HS6ST3: variants seen among roughly 807,000 people sequenced by gnomAD.
The protein encoded by HS6ST3 is heparan sulfate 6-O-sulfotransferase 3, also known as heparan-sulfate 6-O-sulfotransferase 3.
A neutral mutation model predicts 36.7 loss-of-function variants in HS6ST3; 12 were observed. That is an observed-to-expected ratio of 0.33 (90% CI 0.21 to 0.53). HS6ST3 has a LOEUF of 0.53. Among genes scored for constraint, HS6ST3 ranks in the 20% least tolerant of loss-of-function variants. The pLI is 0.95. For missense variants in HS6ST3, 584 were observed against 640.9 expected (o/e 0.91, Z 0.96); for synonymous variants, 240 against 257.5 (o/e 0.93, Z 0.65).
chr13:96,481,723 C>A (rs933554810), intron 1 of HS6ST3, among the ~76,000 whole-genome samples: 4 of 152,108 alleles, frequency 2.6e-5, no homozygotes, highest in African/African-American at 9.7e-5. Flanking sequence ...CTCAGGTGAT[C>A]AGCTAAAAAA....
At chr13:96,468,789 C>G (rs945189809) in intron 1 of HS6ST3, among the ~76,000 whole-genome samples, 17 of 152,220 alleles carry the variant, frequency 1.1e-4, no homozygotes, top group Non-Finnish European at 2.2e-4. Flanking sequence ...TACTTTGGAA[C>G]TTTTGGCATG....
At chr13:96,156,010 A>G (rs1306692111) in intron 1 of HS6ST3, among the ~76,000 whole-genome samples, 3 of 152,180 alleles carry the variant, frequency 2.0e-5, no homozygotes, top group Non-Finnish European at 2.9e-5. Flanking sequence ...TTACACCCTC[A>G]TGATTGTCAT....
At chr13:96,427,622 G>T (rs942338551) in intron 1 of HS6ST3, among the ~76,000 whole-genome samples, 2 of 152,006 alleles carry the variant, frequency 1.3e-5, no homozygotes, top group African/African-American at 4.8e-5. Context: ...GAGAGTTTTT[G>T]TATATCCTTT....
intron 1 of HS6ST3, among the ~76,000 whole-genome samples, chr13:96,206,427 T>A (rs138075196): frequency 0.041 from 6,266 of 152,246 alleles, 206 homozygotes; most frequent in African/African-American, 0.087. Context: ...TAAACTACCA[T>A]TGACATTCTT....
chr13:96,289,455 A>T (rs2054819029), intron 1 of HS6ST3, among the ~76,000 whole-genome samples: 1 of 152,208 alleles, frequency 6.6e-6, no homozygotes, highest in Non-Finnish European at 1.5e-5. Flanking sequence ...AATCCATGAT[A>T]AAGGTGACAT....
intron 1 of HS6ST3, among the ~76,000 whole-genome samples, chr13:96,336,642 G>A (rs1355147393): frequency 6.6e-6 from 1 of 152,108 alleles, no homozygotes; most frequent in Non-Finnish European, 1.5e-5. Flanking sequence ...AACCAACCCT[G>A]CCTACACTTT....
intron 1 of HS6ST3, among the ~76,000 whole-genome samples, chr13:96,374,684 C>T (rs2055306192): frequency 6.6e-6 from 1 of 152,038 alleles, no homozygotes; most frequent in Non-Finnish European, 1.5e-5. Context: ...TGGTAAAAAC[C>T]ATAAGCCTGC....
intron 1 of HS6ST3, among the ~76,000 whole-genome samples, chr13:96,439,066 C>T (rs1324749245): frequency 8.1e-6 from 1 of 124,070 alleles, no homozygotes; most frequent in Non-Finnish European, 1.6e-5. Flanking sequence ...GAATCTGTCT[C>T]AAAAGAAAAA....
intron 1 of HS6ST3, among the ~76,000 whole-genome samples, chr13:96,692,202 A>G (rs1276986009): frequency 6.6e-6 from 1 of 152,128 alleles, no homozygotes; most frequent in Non-Finnish European, 1.5e-5. Flanking sequence ...ACAGTTTCCC[A>G]TCAGTATCTA....
At chr13:96,135,420 G>A (rs2053996958) in intron 1 of HS6ST3, among the ~76,000 whole-genome samples, 1 of 152,130 alleles carries the variant, frequency 6.6e-6, no homozygotes, top group Non-Finnish European at 1.5e-5. Context: ...GAATGGTGAG[G>A]TAACTTAAAA....
intron 1 of HS6ST3, among the ~76,000 whole-genome samples, chr13:96,423,821 G>A (rs2055572982): frequency 6.6e-6 from 1 of 152,092 alleles, no homozygotes; most frequent in African/African-American, 2.4e-5. Context: ...TAGAAGGGGT[G>A]ATGAACATGG....
chr13:96,169,781 G>A (rs1417995114), intron 1 of HS6ST3: 1 of 152,234 alleles, frequency 6.6e-6, no homozygotes, highest in East Asian at 1.9e-4. Flanking sequence ...GTGCTGATCA[G>A]TAGTAGGATA....
At chr13:96,507,680 A>C (rs928553750) in intron 1 of HS6ST3, among the ~76,000 whole-genome samples, 2 of 152,072 alleles carry the variant, frequency 1.3e-5, no homozygotes, top group Non-Finnish European at 2.9e-5. Flanking sequence ...TAACATTATT[A>C]TCTCTCTAAA....
intron 1 of HS6ST3, among the ~76,000 whole-genome samples, chr13:96,711,773 G>A (rs184153091): frequency 1.6e-4 from 24 of 152,214 alleles, no homozygotes; most frequent in East Asian, 1.2e-3. Context: ...GACTTTCCAC[G>A]TGTTTCCCAG....
intron 1 of HS6ST3, among the ~76,000 whole-genome samples, chr13:96,663,319 C>G (rs519056): frequency 0.98 from 149,844 of 152,280 alleles, 73,763 homozygotes; most frequent in East Asian, 1. Context: ...CAAAACTTCT[C>G]TCCCACAGTT....
intron 1 of HS6ST3, among the ~76,000 whole-genome samples, chr13:96,695,248 A>T (rs910534579): frequency 4.6e-5 from 7 of 152,046 alleles, no homozygotes. Flanking sequence ...CAATCATCCC[A>T]CTGAACATAA....
chr13:96,733,404 T>C (rs1876207762), intron 1 of HS6ST3, among the ~76,000 whole-genome samples: 1 of 152,220 alleles, frequency 6.6e-6, no homozygotes, highest in Non-Finnish European at 1.5e-5. Flanking sequence ...AAGTTTTGTT[T>C]TTCATTGTGC....
At chr13:96,646,817 T>C (rs1204771481) in intron 1 of HS6ST3, among the ~76,000 whole-genome samples, 3 of 151,880 alleles carry the variant, frequency 2.0e-5, no homozygotes, top group African/African-American at 4.8e-5. Flanking sequence ...GTTCACTCTC[T>C]TCAACTGGAT....
At chr13:96,248,658 G>A (rs894363271) in intron 1 of HS6ST3, among the ~76,000 whole-genome samples, 3 of 152,150 alleles carry the variant, frequency 2.0e-5, no homozygotes, top group African/African-American at 7.2e-5. Flanking sequence ...GGCTATGCAG[G>A]TGTTTACAGT....
Sources: allele counts gnomAD v4.1 joint callset (sites outside exome capture counted in the v4.1 genomes callset), GRCh38; gene constraint gnomAD v4.1.1; transcripts MANE v1.5; gene names NCBI Gene and HGNC (gene_info 2026-07-23, HGNC 2026-07-21).